The following KIF20B variants were observed in gnomAD, a reference collection of about 807,000 sequenced individuals.
KIF20B encodes kinesin-like protein KIF20B.
Under a neutral mutation model 232.5 loss-of-function variants are expected in KIF20B, and 188 were observed. The observed-to-expected ratio is 0.81, with a 90% CI of 0.72 to 0.91. The LOEUF (loss-of-function observed/expected upper bound fraction) is 0.91, where lower values mean the gene tolerates loss of function less well. Ranked by LOEUF, KIF20B falls within the 40% of genes least tolerant of loss-of-function variation. The pLI, the probability that KIF20B is intolerant of heterozygous loss-of-function variation, is 0.00. For synonymous variants in KIF20B, 712 were observed against 683.0 expected (o/e 1.04, Z -0.66); for missense variants, 2,154 against 2,055.9 (o/e 1.05, Z -0.92).
At position 89,719,808 on chromosome 10, in the gene KIF20B, A is replaced by G. The variant is rs1235200133; in HGVS notation, c.1722+102A>G. ...TTCAGTTTTTTTCAACAGTACACTG[A>G]AGTTTTTGTGTTCAACTTTATATTT... On this transcript the variant is annotated intron_variant, in intron 13 of 32. Coordinates refer to ENST00000371728, the MANE Select transcript of KIF20B (RefSeq NM_001284259.2). 4 of 932,000 alleles carry G rather than the reference A, an allele frequency of 4.3e-6. No homozygotes were observed. The African/African-American group carries it at 5.0e-5, about 12-fold the overall frequency. The allele number at this position is 932,000 out of a possible 1,614,324, so 57.7% of individuals were successfully genotyped here.
At chr10:89,715,574 A>C (rs1235009583) in intron 8 of KIF20B, among the ~76,000 whole-genome samples, 2 of 152,226 alleles carry the variant, frequency 1.3e-5, no homozygotes, top group African/African-American at 4.8e-5. Flanking sequence ...TAATAACATC[A>C]TGATTCAGTA....
chr10:89,767,662 G>A (rs1261608817), intron 29 of KIF20B, among the ~76,000 whole-genome samples: 2 of 151,938 alleles, frequency 1.3e-5, no homozygotes, highest in Non-Finnish European at 2.9e-5. Context: ...GAGGTTATTT[G>A]GGGAAAAGAA....
chr10:89,761,039 T>C (rs562426338), intron 28 of KIF20B, among the ~76,000 whole-genome samples: 1 of 152,322 alleles, frequency 6.6e-6, no homozygotes, highest in South Asian at 2.1e-4. Context: ...TTAATTTGTA[T>C]TGGGCTTAGG....
Position 89,727,966 on chromosome 10 carries a change from A to C in KIF20B, c.2271+70A>C, listed in dbSNP as rs186895847. ...ACAAAGGGGTATGAATGATGACTAG[A>C]TTTGTTTATTTTAAAAAATAATTAA... is the stretch of plus-strand genomic sequence containing the variant. On this transcript the variant is annotated intron_variant, in intron 17 of 32. Transcript: ENST00000371728. 6.2e-4 allele frequency: 827 copies of C among 1,324,712 alleles called. 10 individuals are homozygous for C. The African/African-American group carries it at 0.011, about 17-fold the overall frequency. The allele number at this position is 1,324,712 out of a possible 1,614,324, so 82.1% of individuals were successfully genotyped here.
At chr10:89,736,295 T>C (rs1254598027) in intron 19 of KIF20B, among the ~76,000 whole-genome samples, 1 of 152,148 alleles carries the variant, frequency 6.6e-6, no homozygotes, top group Non-Finnish European at 1.5e-5. Flanking sequence ...TAAAAAGATA[T>C]GTAGATATAA....
chr10:89,741,377 G>A (rs1354358790), intron 21 of KIF20B, among the ~76,000 whole-genome samples: 1 of 152,186 alleles, frequency 6.6e-6, no homozygotes, highest in African/African-American at 2.4e-5. Context: ...TTCCTAACAA[G>A]CTATGGATCA....
At position 89,738,284 on chromosome 10, in the gene KIF20B, C is replaced by T. The variant is rs117564945; in HGVS notation, c.3443C>T (p.Ala1148Val). 4.8e-3 allele frequency: 7,690 copies of T among 1,610,614 alleles called. 24 individuals carry two copies. The highest frequency in any genetic ancestry group is 5.5e-3 in the Non-Finnish European group (6,525 of 1,179,024). The stretch of plus-strand genomic sequence containing the variant: ...CAGCATGTAGTTGAAGGAAAGAGAG[C>T]GCTTTCAGAACTTACACAAGGTGTT... Reference protein sequence around the residue: ...QIQHVVEGKRALSELTQGVTC... With the variant: ...QIQHVVEGKRVLSELTQGVTC... Residue 1148 changes from alanine to valine, a missense_variant, in exon 20 of 33, where the codon GCG becomes GTG. Ala to Val is a moderately conservative substitution (Grantham distance 64, BLOSUM62 0). Transcript: ENST00000371728.
chr10:89,709,789 G>A, intron 4 of KIF20B, 138 bp from the exon 5 acceptor site: 1 of 558,902 alleles, frequency 1.8e-6, no homozygotes, highest in East Asian at 3.4e-5. Context: ...ACTATCAAAT[G>A]TATTTGTGGG....
chr10:89,705,549 C>A, intron 2 of KIF20B, 108 bp downstream of exon 2: 2 of 895,890 alleles, frequency 2.2e-6, no homozygotes, highest in Non-Finnish European at 3.3e-6. Context: ...TAGATACAAG[C>A]TAAGAATTGT....
At chr10:89,719,727 C>A in intron 13 of KIF20B, 21 bp downstream of exon 13, 2 of 1,534,642 alleles carry the variant, frequency 1.3e-6, no homozygotes, top group Non-Finnish European at 1.8e-6. Flanking sequence ...AGAACTCATA[C>A]TTCTATGCTT....
intron 17 of KIF20B, 62 bp downstream of exon 17, chr10:89,727,958 A>C: frequency 2.9e-6 from 4 of 1,384,246 alleles, no homozygotes. Flanking sequence ...GGTATGAATG[A>C]TGACTAGATT....
chr10:89,751,437 G>A lies in KIF20B; in HGVS notation c.4188G>A (p.Glu1396=). 1.2e-6 allele frequency: 2 copies of A among 1,608,968 alleles called. No homozygotes were observed. The highest frequency in any genetic ancestry group is 8.5e-7 in the Non-Finnish European group (1 of 1,177,848). The change falls in exon 24 of 33, where the codon GAG becomes GAA. Residue 1396 remains glutamate, a synonymous_variant. Coordinates refer to ENST00000371728, the MANE Select transcript of KIF20B (RefSeq NM_001284259.2). ...QTQVEQDQVL[E]AKLEEVERLA... ...AGGTAGAACAGGATCAAGTGCTTGAGGCTAAATTAGAGGAAGTTGAAAGGC... is the reference window on the plus strand; with the variant it reads ...AGGTAGAACAGGATCAAGTGCTTGAAGCTAAATTAGAGGAAGTTGAAAGGC...
chr10:89,728,937 GTGTGTGTGTGTA>G (rs373442919), intron 17 of KIF20B, among the ~76,000 whole-genome samples, 179 bp from the exon 18 acceptor site: 1,730 of 115,512 alleles, frequency 0.015, 12 homozygotes, highest in African/African-American at 0.023. Context: ...GTGTGTGTGT[GTGTGTGTGTGTA>G]TGTAATTTTT....
intron 22 of KIF20B, among the ~76,000 whole-genome samples, chr10:89,744,475 C>T (rs926461648): frequency 6.6e-6 from 1 of 152,070 alleles, no homozygotes; most frequent in African/African-American, 2.4e-5. Context: ...ATGTTAATTT[C>T]TTGATTTTTG....
chr10:89,709,534 T>G (rs1842794833), intron 4 of KIF20B, 73 bp downstream of exon 4: 8 of 940,920 alleles, frequency 8.5e-6, no homozygotes. Context: ...GCTATATAAT[T>G]GTATATAATG....
rs1443767282 is a variant in KIF20B, at chr10:89,705,400, G to T, written c.106G>T (p.Asp36Tyr). The T allele has an allele frequency of 6.2e-7, 1 of 1,614,074 alleles. No homozygotes were observed. The highest frequency in any genetic ancestry group is 8.5e-7 in the Non-Finnish European group (1 of 1,179,972). Residue 36 changes from aspartate (D) to tyrosine (Y), a missense_variant, in exon 2 of 33, where the codon GAT becomes TAT. By Grantham distance (160) the Asp-to-Tyr change is radical. Coordinates refer to ENST00000371728, the MANE Select transcript of KIF20B (RefSeq NM_001284259.2). The part of the protein sequence containing the change: ...SEINFDGIKL[D>Y]LSHEFSLVAP... ...AATAAATTTCGATGGCATTAAGCTT[G>T]ATCTGTCTCATGAATTTTCCTTAGT...
chr10:89,765,907 C>T (rs1013597103), intron 29 of KIF20B, among the ~76,000 whole-genome samples: 3 of 152,028 alleles, frequency 2.0e-5, no homozygotes, highest in Non-Finnish European at 2.9e-5. Context: ...GTGGGTAACC[C>T]GACCTTTCTC....
intron 13 of KIF20B, among the ~76,000 whole-genome samples, chr10:89,722,530 G>C (rs965448796): frequency 4.6e-5 from 7 of 152,088 alleles, no homozygotes; most frequent in African/African-American, 1.7e-4. Flanking sequence ...TTAGCCAGGC[G>C]TGGTTTCTGG....
chr10:89,705,562 T>C, intron 2 of KIF20B, 121 bp downstream of exon 2: 1 of 798,282 alleles, frequency 1.3e-6, no homozygotes, highest in Non-Finnish European at 1.9e-6. Flanking sequence ...AGAATTGTTT[T>C]TATATTTTTA....
Sources: allele counts gnomAD v4.1 joint callset (sites outside exome capture counted in the v4.1 genomes callset), GRCh38; gene constraint gnomAD v4.1.1; transcripts MANE v1.5; gene names NCBI Gene and HGNC (gene_info 2026-07-23, HGNC 2026-07-21).